The following ULK4 variants were observed in gnomAD, a reference collection of about 807,000 sequenced individuals.
The protein encoded by ULK4 is unc-51 like kinase 4, also known as inactive serine/threonine-protein kinase ULK4.
ULK4 carries 133 observed loss-of-function variants against 160.6 expected under a neutral mutation model. That is an observed-to-expected ratio of 0.83 (90% CI 0.72 to 0.96). The LOEUF (loss-of-function observed/expected upper bound fraction) is 0.96, where lower values mean the gene tolerates loss of function less well. Ranked by LOEUF, ULK4 falls within the 40% of genes least tolerant of loss-of-function variation. The pLI, the probability that ULK4 is intolerant of heterozygous loss-of-function variation, is 0.00. For missense variants in ULK4, 1,580 were observed against 1,499.5 expected (o/e 1.05, Z -0.89); for synonymous variants, 534 against 539.8 (o/e 0.99, Z 0.15).
intron 32 of ULK4, among the ~76,000 whole-genome samples, chr3:41,525,007 G>A (rs1245694159): frequency 3.3e-5 from 5 of 152,010 alleles, no homozygotes; most frequent in African/African-American, 7.2e-5. Context: ...AGATAAAGAC[G>A]GTTAACCAAA....
intron 35 of ULK4, among the ~76,000 whole-genome samples, chr3:41,277,259 C>T (rs902525002): frequency 2.0e-5 from 3 of 152,158 alleles, no homozygotes; most frequent in African/African-American, 4.8e-5. Flanking sequence ...ATGAAGCCAG[C>T]ATCACCCTAA....
intron 31 of ULK4, among the ~76,000 whole-genome samples, chr3:41,592,234 T>TGGAGCTGAGTCAATTTAG (rs2031385052): frequency 6.6e-6 from 1 of 151,848 alleles, no homozygotes; most frequent in African/African-American, 2.4e-5. Context: ...GACTTTTACC[T>TGGAGCTGAGTCAATTTAG]GGAGCTGAGT....
chr3:41,370,580 A>G (rs2081344182), intron 35 of ULK4, among the ~76,000 whole-genome samples: 1 of 152,180 alleles, frequency 6.6e-6, no homozygotes, highest in African/African-American at 2.4e-5. Context: ...TACCCTAGCC[A>G]AGGGAAGCCA....
chr3:41,444,886 G>C (rs1224115351), intron 34 of ULK4, among the ~76,000 whole-genome samples: 1 of 152,094 alleles, frequency 6.6e-6, no homozygotes, highest in Non-Finnish European at 1.5e-5. Flanking sequence ...AATCAGGCAG[G>C]AGAAAGAAAT....
intron 25 of ULK4, among the ~76,000 whole-genome samples, chr3:41,712,827 G>A (rs543528782): frequency 2.0e-5 from 3 of 152,220 alleles, no homozygotes; most frequent in African/African-American, 7.2e-5. Flanking sequence ...GGGAGGCGGA[G>A]GTTGCAGTGA....
At chr3:41,591,175 A>T (rs2031275549) in intron 31 of ULK4, among the ~76,000 whole-genome samples, 1 of 152,226 alleles carries the variant, frequency 6.6e-6, no homozygotes, top group Non-Finnish European at 1.5e-5. Context: ...AAGCCAGAAG[A>T]CAATGAAAAG....
intron 33 of ULK4, among the ~76,000 whole-genome samples, chr3:41,457,353 G>A (rs1186442899): frequency 6.6e-6 from 1 of 152,104 alleles, no homozygotes; most frequent in Non-Finnish European, 1.5e-5. Context: ...TCCAAGATCT[G>A]CATAGTCATA....
At chr3:41,759,567 C>T (rs986813062) in intron 21 of ULK4, among the ~76,000 whole-genome samples, 4 of 152,110 alleles carry the variant, frequency 2.6e-5, no homozygotes, top group African/African-American at 9.7e-5. Flanking sequence ...CCCAAATTGA[C>T]CTATAGACTT....
chr3:41,522,659 T>G lies in ULK4; in HGVS notation c.3226+43366A>C, dbSNP rs1374654388. On this transcript the variant is annotated intron_variant, in intron 32 of 36. Coordinates refer to ENST00000301831, the MANE Select transcript of ULK4 (RefSeq NM_017886.4). ...CTTTATTAACATCCTGTTCTCCATATTTCAAAACTAAAGTCAGATGATATG... is the reference window on the plus strand; with the variant it reads ...CTTTATTAACATCCTGTTCTCCATAGTTCAAAACTAAAGTCAGATGATATG... 3.3e-5 allele frequency among the ~76,000 whole-genome samples: 5 copies of G among 152,186 alleles called. No homozygotes were observed. In the South Asian group the frequency reaches 1.0e-3, roughly 32 times the overall value.
intron 18 of ULK4, 41 bp downstream of exon 18, chr3:41,835,823 G>A: frequency 6.9e-7 from 1 of 1,454,122 alleles, no homozygotes; most frequent in Non-Finnish European, 9.5e-7. Context: ...GAGTATGTCA[G>A]AACATGTCAA....
At chr3:41,773,885 T>G (rs1477086186) in intron 21 of ULK4, among the ~76,000 whole-genome samples, 2 of 152,086 alleles carry the variant, frequency 1.3e-5, no homozygotes, top group African/African-American at 4.8e-5. Flanking sequence ...TATAGACCAA[T>G]GGAACAGAAC....
intron 14 of ULK4, among the ~76,000 whole-genome samples, chr3:41,897,510 C>T (rs1575908508): frequency 6.6e-6 from 1 of 152,090 alleles, no homozygotes; most frequent in Admixed American, 6.5e-5. Context: ...AAATGTGATA[C>T]CCCCTAAAAT....
intron 21 of ULK4, 130 bp downstream of exon 21, chr3:41,789,531 T>A (rs1205624091): frequency 3.8e-6 from 3 of 791,388 alleles, no homozygotes; most frequent in Non-Finnish European, 5.6e-6. Context: ...GTACAAAGGT[T>A]TGGCAAAGTT....
At chr3:41,559,839 G>A (rs879285257) in intron 32 of ULK4, among the ~76,000 whole-genome samples, 7 of 152,058 alleles carry the variant, frequency 4.6e-5, no homozygotes, top group Non-Finnish European at 7.4e-5. Flanking sequence ...TCACACTGAT[G>A]GTAGTTTCTT....
chr3:41,504,466 G>A (rs940139660), intron 32 of ULK4, among the ~76,000 whole-genome samples: 1 of 152,170 alleles, frequency 6.6e-6, no homozygotes, highest in African/African-American at 2.4e-5. Context: ...CAGGCTTGCA[G>A]ATTGACATAT....
At chr3:41,918,161 A>T (rs1329780392) in intron 7 of ULK4, among the ~76,000 whole-genome samples, 1 of 152,222 alleles carries the variant, frequency 6.6e-6, no homozygotes, top group Non-Finnish European at 1.5e-5. Flanking sequence ...GGTACATACA[A>T]AAAGCAATGT....
chr3:41,436,123 T>A (rs963227599), intron 34 of ULK4, among the ~76,000 whole-genome samples: 54 of 152,270 alleles, frequency 3.5e-4, no homozygotes, highest in African/African-American at 1.3e-3. Context: ...TTCAATACAG[T>A]AGTCAATAAA....
intron 31 of ULK4, among the ~76,000 whole-genome samples, chr3:41,587,976 G>T (rs544425496): frequency 2.0e-3 from 310 of 152,288 alleles, no homozygotes; most frequent in African/African-American, 7.1e-3. Flanking sequence ...ATAATAATTA[G>T]TTTAAATACA....
chr3:41,939,532 G>C (rs1575987459), intron 2 of ULK4, among the ~76,000 whole-genome samples: 1 of 136,630 alleles, frequency 7.3e-6, no homozygotes, highest in East Asian at 2.2e-4. Flanking sequence ...TATTGTCCAA[G>C]TTTCTACAGT....
Sources: gnomAD v4.1 joint callset for allele counts (sites outside exome capture counted in the v4.1 genomes callset) on GRCh38, gnomAD v4.1.1 for gene constraint, MANE v1.5 for transcripts, NCBI Gene and HGNC (gene_info 2026-07-23, HGNC 2026-07-21) for gene names.